Variants in CLIP1 observed in about 807,000 individuals in gnomAD.
The protein encoded by CLIP1 is CAP-Gly domain-containing linker protein 1.
Under a neutral mutation model 161.6 loss-of-function variants are expected in CLIP1, and 66 were observed. The observed-to-expected ratio is 0.41, with a 90% confidence interval of 0.33 to 0.50. The LOEUF (loss-of-function observed/expected upper bound fraction) is 0.50, where lower values mean the gene tolerates loss of function less well. Ranked by LOEUF, CLIP1 falls within the 20% of genes least tolerant of loss-of-function variation. The pLI, the probability that CLIP1 is intolerant of heterozygous loss-of-function variation, is 0.27. For missense variants in CLIP1, 1,376 were observed against 1,702.0 expected (o/e 0.81, Z 3.37); for synonymous variants, 598 against 626.2 (o/e 0.96, Z 0.67).
At position 122,276,438 on chromosome 12, in the gene CLIP1, C is replaced by G. The variant is rs1175053971; in HGVS notation, c.3966+1716G>C. ...CGCAAATTAGGAAACATGAAACGAA[C>G]CATTTGCTGATTGGAAGAAAAGTGT... On this transcript the variant is annotated intron_variant, in intron 24 of 25. Coordinates refer to ENST00000620786, the MANE Select transcript of CLIP1 (RefSeq NM_001247997.2). 4.7e-6 allele frequency: 6 copies of G among 1,276,164 alleles called. No homozygotes were observed. The African/African-American group carries it at 5.2e-5, about 11-fold the overall frequency. The allele number at this position is 1,276,164 out of a possible 1,614,324, so 79.1% of individuals were successfully genotyped here.
intron 17 of CLIP1, among the ~76,000 whole-genome samples, chr12:122,320,639 G>A (rs1951456878): frequency 1.3e-5 from 2 of 151,650 alleles, no homozygotes; most frequent in South Asian, 2.1e-4. Context: ...CAGGAGAATC[G>A]CTTGAACCCG....
At chr12:122,398,942 C>CCA (rs1555283583) in intron 1 of CLIP1, among the ~76,000 whole-genome samples, 3 of 105,782 alleles carry the variant, frequency 2.8e-5, no homozygotes, top group African/African-American at 3.7e-5. Flanking sequence ...ACCAGATATC[C>CCA]AAAAAAAAAA....
intron 21 of CLIP1, among the ~76,000 whole-genome samples, chr12:122,283,091 C>CT (rs1365134760): frequency 6.6e-6 from 1 of 152,196 alleles, no homozygotes; most frequent in African/African-American, 2.4e-5. Context: ...TGCCTCGCGC[C>CT]TTTGGCTTTG....
intron 3 of CLIP1, among the ~76,000 whole-genome samples, chr12:122,371,169 G>A (rs903149316): frequency 6.6e-6 from 1 of 152,028 alleles, no homozygotes; most frequent in Non-Finnish European, 1.5e-5. Flanking sequence ...GAATTCACAG[G>A]GACAATAAAG....
Position 122,279,066 on chromosome 12 carries a change from T to C in CLIP1, c.3727A>G (p.Thr1243Ala). 2.5e-6 allele frequency: 4 copies of C among 1,613,280 alleles called. No individual in the cohort carries two copies. Among genetic ancestry groups the C allele is most frequent in the Non-Finnish European group, 3.4e-6 (4 of 1,179,818 alleles). ...KSISITSALL[T>A]EKDAELEKLR... ...TTCTCCAGCTCGGCATCCTTTTCTGTGAGTAAGGCACTAGTTATACTGATG... is the reference window on the plus strand; with the variant it reads ...TTCTCCAGCTCGGCATCCTTTTCTGCGAGTAAGGCACTAGTTATACTGATG... The change falls in exon 22 of 26, where the codon ACA becomes GCA. Residue 1243 changes from threonine (T) to alanine (A), a missense_variant. By Grantham distance (58) the Thr-to-Ala change is moderately conservative. Coordinates refer to ENST00000620786, the MANE Select transcript of CLIP1 (RefSeq NM_001247997.2). The surrounding 1 kb of genome is among the most constrained non-coding windows in gnomAD (Gnocchi z 4.5).
chr12:122,278,828 G>A lies in CLIP1; in HGVS notation c.3880C>T (p.Leu1294Phe). ...ELKVKNLELQ[L>F]KENKRQLSSS... ...CTGAGCTGCCTCTTGTTTTCTTTGA[G>A]TTGAAGCTCCAAGTTCTTTACCTTG... is the stretch of plus-strand genomic sequence containing the variant. Residue 1294 changes from leucine (L) to phenylalanine (F), a missense_variant, in exon 23 of 26, where the codon CTC becomes TTC. By Grantham distance (22) the Leu-to-Phe change is conservative. Coordinates refer to ENST00000620786, the MANE Select transcript of CLIP1 (RefSeq NM_001247997.2). The A allele has an allele frequency of 6.2e-7, 1 of 1,608,142 alleles. No homozygotes were observed. Among genetic ancestry groups the A allele is most frequent in the South Asian group, 1.1e-5 (1 of 90,482 alleles).
At chr12:122,360,855 A>G in intron 5 of CLIP1, 104 bp downstream of exon 5, 1 of 918,700 alleles carries the variant, frequency 1.1e-6, no homozygotes, top group Non-Finnish European at 1.6e-6. Flanking sequence ...AGCAACATTC[A>G]GCACAAGGAC....
At chr12:122,351,583 T>A (rs903803532) in intron 8 of CLIP1, among the ~76,000 whole-genome samples, 1 of 152,194 alleles carries the variant, frequency 6.6e-6, no homozygotes, top group Non-Finnish European at 1.5e-5. Flanking sequence ...AGTTGCTGTT[T>A]GGAAGGGCCC....
chr12:122,273,173 T>C (rs1955242995), intron 25 of CLIP1, 73 bp from the exon 26 acceptor site: 1 of 1,332,226 alleles, frequency 7.5e-7, no homozygotes, highest in Non-Finnish European at 1.0e-6. Context: ...TTGCAAAAAA[T>C]TTAAAAATTA....
At position 122,351,036 on chromosome 12, in the gene CLIP1, T is replaced by TATCAATAA; in HGVS notation, c.1401+67_1401+74dup. 4.5e-6 allele frequency: 5 copies of TATCAATAA among 1,122,554 alleles called. No homozygotes were observed. The South Asian group carries it at 7.1e-5, about 16-fold the overall frequency. 69.5% of individuals were successfully genotyped at this position (1,122,554 alleles called of 1,614,324 possible). A position where few individuals can be genotyped will look rare whatever the true frequency, so the allele number is the denominator to read the frequency against. ...AGATTATGCAGTTAGTGTTTGAGTA[T>TATCAATAA]ATCAATAAGCATTTTAATCTGTGAT... is the stretch of plus-strand genomic sequence containing the variant. On this transcript the variant is annotated intron_variant, in intron 9 of 25. Transcript: ENST00000620786.
Position 122,294,586 on chromosome 12 carries a change from G to C in CLIP1, c.3595-6045C>G, listed in dbSNP as rs1393697512. Among the ~76,000 whole-genome samples, 5 of 151,954 alleles carry C rather than the reference G, an allele frequency of 3.3e-5. No homozygotes were observed. The East Asian group carries it at 7.8e-4, about 24-fold the overall frequency. On this transcript the variant is annotated intron_variant, in intron 20 of 25. Transcript: ENST00000620786. Reference sequence around the variant, plus strand: ...GAGACCAGCCTGGGTAACATAGTGAGACCTTGTCTCTATAAAAAGATCAAA... The same window carrying C: ...GAGACCAGCCTGGGTAACATAGTGACACCTTGTCTCTATAAAAAGATCAAA...
In CLIP1 at chr12:122,363,265, C is replaced by A. The variant is rs907552514; in HGVS notation, c.782+718G>T. Among the ~76,000 whole-genome samples the A allele has an allele frequency of 1.1e-4, 17 of 152,024 alleles. 1 individual carries two copies. Among genetic ancestry groups the A allele is most frequent in the African/African-American group, 3.9e-4 (16 of 41,382 alleles). On this transcript the variant is annotated intron_variant, in intron 4 of 25. Transcript: ENST00000620786. ...CTGTAATACCAGCACTTTGGGAGAC[C>A]AAGACAGGTGGATCACTTGTGCCCA... is the stretch of plus-strand genomic sequence containing the variant.
chr12:122,348,297 T>C (rs1952844516), intron 9 of CLIP1, among the ~76,000 whole-genome samples: 1 of 152,210 alleles, frequency 6.6e-6, no homozygotes, highest in African/African-American at 2.4e-5. Flanking sequence ...TTATCCTCTA[T>C]AGTCTCCATC....
chr12:122,386,234 C>T (rs1450710957), intron 1 of CLIP1, among the ~76,000 whole-genome samples: 2 of 151,272 alleles, frequency 1.3e-5, no homozygotes, highest in Non-Finnish European at 1.5e-5. Context: ...TGCAGTGAGC[C>T]GAGATCACAC....
At chr12:122,399,928 T>C (rs1433994936) in intron 1 of CLIP1, 1 of 152,214 alleles carries the variant, frequency 6.6e-6, no homozygotes, top group Non-Finnish European at 1.5e-5. Flanking sequence ...CTGAGGCTGA[T>C]TTTTCAAGTC....
intron 20 of CLIP1, among the ~76,000 whole-genome samples, chr12:122,302,003 G>GT (rs1411360408): frequency 1.3e-5 from 2 of 151,814 alleles, no homozygotes; most frequent in African/African-American, 2.4e-5. Context: ...GTGCAGCAGA[G>GT]TTTTTTTTGC....
At chr12:122,345,972 G>A (rs1289150884) in intron 10 of CLIP1, among the ~76,000 whole-genome samples, 1 of 151,888 alleles carries the variant, frequency 6.6e-6, no homozygotes, top group Non-Finnish European at 1.5e-5. Flanking sequence ...TTTTAGTAGA[G>A]ATGGGGTTTC....
intron 20 of CLIP1, among the ~76,000 whole-genome samples, chr12:122,291,198 C>T (rs1303730108): frequency 2.7e-5 from 4 of 148,568 alleles, no homozygotes; most frequent in Non-Finnish European, 6.0e-5. Flanking sequence ...CGACCCTTTT[C>T]TTTTTTTTTG....
intron 21 of CLIP1, among the ~76,000 whole-genome samples, chr12:122,283,395 GA>G (rs534125991): frequency 1.0e-4 from 15 of 148,028 alleles, no homozygotes; most frequent in African/African-American, 2.7e-4. Flanking sequence ...AAAACAAAAA[GA>G]AAAAAAACCC....
Sources: allele counts gnomAD v4.1 joint callset (sites outside exome capture counted in the v4.1 genomes callset), GRCh38; gene constraint gnomAD v4.1.1; non-coding constraint Gnocchi (gnomAD v3.1); transcripts MANE v1.5; gene names NCBI Gene and HGNC (gene_info 2026-07-23, HGNC 2026-07-21).